The following PROCA1 variants were observed in gnomAD, a reference collection of about 807,000 sequenced individuals.
PROCA1 encodes the protein protein PROCA1.
PROCA1 carries 22 observed loss-of-function variants against 23.2 expected under a neutral mutation model. The ratio of observed to expected loss-of-function variants is 0.95; its 90% CI spans 0.68 to 1.35. The LOEUF is 1.35. Among genes scored for constraint, PROCA1 ranks in the 40% most tolerant of loss-of-function variants. PROCA1 has a pLI of 0.00. For missense variants in PROCA1, 469 were observed against 459.8 expected (o/e 1.02, Z -0.18); for synonymous variants, 182 against 179.2 (o/e 1.02, Z -0.12).
chr17:28,704,341 C>T lies in PROCA1; in HGVS notation c.406G>A (p.Glu136Lys). 1 of 1,614,120 alleles carries T rather than the reference C, an allele frequency of 6.2e-7. No homozygotes were observed. The highest frequency in any genetic ancestry group is 1.3e-5 in the African/African-American group (1 of 75,054). Residue 136 changes from glutamate to lysine, a missense_variant, in exon 4 of 5, where the codon GAG becomes AAG. By Grantham distance (56) the Glu-to-Lys change is moderately conservative. Transcript: ENST00000682792. ...IESPCFELTP[E>K]EEHVERFRYG... ...CGGAATCGCTCCACATGCTCCTCCT[C>T]CGGTGTGAGCTCAAAGCAAGGGGAC...
rs1012074001 is a variant in PROCA1, at chr17:28,706,711, C to T, written c.144G>A (p.Ala48=). The change falls in exon 2 of 5, where the codon GCG becomes GCA. Residue 48 remains alanine, a synonymous_variant. Coordinates refer to ENST00000682792, the MANE Select transcript of PROCA1 (RefSeq NM_001366301.1). ...AGAAGGTAGACACATCAGTGCTGGA[C>T]GCCACACCAGCCAGCAGATGTCCTC... ...WERGHLLAGV[A]SSTDVSTFSE... The T allele has an allele frequency of 4.7e-5, 61 of 1,303,744 alleles. No homozygotes were observed. Among genetic ancestry groups the T allele is most frequent in the East Asian group, 1.1e-4 (2 of 17,974 alleles). The allele number at this position is 1,303,744 out of a possible 1,614,324, so 80.8% of individuals were successfully genotyped here. A position where few individuals can be genotyped will look rare whatever the true frequency, so the allele number is the denominator to read the frequency against.
chr17:28,705,153 C>A (rs1023153034), intron 2 of PROCA1: 21 of 298,746 alleles, frequency 7.0e-5, no homozygotes, highest in Non-Finnish European at 1.3e-4. Flanking sequence ...CAGGTGCTGA[C>A]AATGAGTGGC....
chr17:28,711,413 G>A (rs2032776630), intron 1 of PROCA1, 157 bp downstream of exon 1: 1 of 515,264 alleles, frequency 1.9e-6, no homozygotes, highest in Non-Finnish European at 3.0e-6. Context: ...CCCTAGCTCC[G>A]CCCCGGCCCT....
chr17:28,710,800 A>C, intron 1 of PROCA1: 1 of 1,304,054 alleles, frequency 7.7e-7, no homozygotes, highest in Non-Finnish European at 1.0e-6. Context: ...GGGTGAAAGA[A>C]AGTGGGAGGC....
chr17:28,704,941 C>T, intron 2 of PROCA1, 98 bp from the exon 3 acceptor site: 2 of 1,145,290 alleles, frequency 1.7e-6, no homozygotes, highest in South Asian at 1.4e-5. Context: ...CTGCCACCAC[C>T]AGCTGTCCAC....
In PROCA1 at chr17:28,711,588, C is replaced by T; in HGVS notation, c.73G>A (p.Asp25Asn). The T allele has an allele frequency of 6.2e-7, 1 of 1,611,628 alleles. No homozygotes were observed. The highest frequency in any genetic ancestry group is 1.1e-5 in the South Asian group (1 of 90,988). The change falls in exon 1 of 5, where the codon GAT becomes AAT. Residue 25 changes from aspartate (D) to asparagine (N), a missense_variant. Physicochemically the swap from Asp to Asn is conservative, Grantham distance 23. Coordinates refer to ENST00000682792, the MANE Select transcript of PROCA1 (RefSeq NM_001366301.1). Reference protein sequence around the residue: ...EKTEPKARSWDESRCRDVNRL... With the variant: ...EKTEPKARSWNESRCRDVNRL... ...CTCTTACCGCGGCATCTGCTCTCAT[C>T]CCACGAGCGGGCCTTGGGCTCGGTC... is the stretch of plus-strand genomic sequence containing the variant.
At chr17:28,709,494 A>G (rs1000847800) in intron 1 of PROCA1, among the ~76,000 whole-genome samples, 10 of 151,658 alleles carry the variant, frequency 6.6e-5, no homozygotes, top group Non-Finnish European at 1.5e-4. Flanking sequence ...TGACCTCGTG[A>G]TCCGCCCGCC....
chr17:28,708,324 A>G (rs1250733238), intron 1 of PROCA1, among the ~76,000 whole-genome samples: 1 of 151,976 alleles, frequency 6.6e-6, no homozygotes, highest in East Asian at 1.9e-4. Flanking sequence ...CCTATTGACC[A>G]ATGAATCTCC....
chr17:28,710,340 TA>T (rs200402103), intron 1 of PROCA1, among the ~76,000 whole-genome samples: 25 of 148,564 alleles, frequency 1.7e-4, no homozygotes, highest in African/African-American at 4.2e-4. Flanking sequence ...CTACTAAAAA[TA>T]AAAAAAAATA....
chr17:28,711,405 C>G (rs1209656668), intron 1 of PROCA1, 165 bp downstream of exon 1: 1 of 507,994 alleles, frequency 2.0e-6, no homozygotes, highest in Non-Finnish European at 3.1e-6. Context: ...GCCCCCGGCC[C>G]TAGCTCCGCC....
intron 2 of PROCA1, chr17:28,705,883 G>C (rs1236858661): frequency 6.6e-6 from 1 of 152,404 alleles, no homozygotes; most frequent in Non-Finnish European, 1.5e-5. Flanking sequence ...CACTGGCTTG[G>C]GGTGCTGTGG....
At chr17:28,711,391 G>A in intron 1 of PROCA1, 179 bp downstream of exon 1, 2 of 590,172 alleles carry the variant, frequency 3.4e-6, no homozygotes, top group Non-Finnish European at 5.5e-6. Context: ...CTCGACGCGA[G>A]CCCGCCCCCG....
chr17:28,710,329 TCTA>T (rs2032719170), intron 1 of PROCA1, among the ~76,000 whole-genome samples: 2 of 151,198 alleles, frequency 1.3e-5, no homozygotes, highest in Non-Finnish European at 2.9e-5. Context: ...AAACCCCGTC[TCTA>T]CTAAAAATAA....
rs1418420049 is a variant in PROCA1 at position 28,711,597 on chromosome 17, G to A, written c.64C>T (p.Arg22Cys). Residue 22 changes from arginine to cysteine, a missense_variant, in exon 1 of 5, where the codon CGC becomes TGC. Coordinates refer to ENST00000682792, the MANE Select transcript of PROCA1 (RefSeq NM_001366301.1). ...CGGCATCTGCTCTCATCCCACGAGC[G>A]GGCCTTGGGCTCGGTCTTTTCCTTA... ...WTKEKTEPKARSWDESRCRDV... is the reference protein window; with the variant it reads ...WTKEKTEPKACSWDESRCRDV... The A allele has an allele frequency of 1.2e-6, 2 of 1,610,946 alleles. No homozygotes were observed. Among genetic ancestry groups the A allele is most frequent in the Non-Finnish European group, 8.5e-7 (1 of 1,179,124 alleles).
chr17:28,710,756 C>A, intron 1 of PROCA1: 1 of 1,299,114 alleles, frequency 7.7e-7, no homozygotes, highest in Admixed American at 2.3e-5. Flanking sequence ...GCAGGAGTGA[C>A]TGACAACACA....
chr17:28,710,818 G>A (rs1567719484), intron 1 of PROCA1: 1 of 1,304,070 alleles, frequency 7.7e-7, no homozygotes, highest in Non-Finnish European at 1.0e-6. Flanking sequence ...GGCTTATGGC[G>A]TCTTTCCCCG....
intron 2 of PROCA1, 171 bp from the exon 3 acceptor site, chr17:28,705,014 A>C (rs1040859098): frequency 6.3e-5 from 39 of 620,820 alleles, no homozygotes; most frequent in Admixed American, 3.0e-4. Flanking sequence ...ATGTCCCAGC[A>C]AAGTGTCTGG....
At chr17:28,706,037 G>C (rs901939975) in intron 2 of PROCA1, 1 of 152,794 alleles carries the variant, frequency 6.5e-6, no homozygotes, top group Admixed American at 6.5e-5. Flanking sequence ...CAGTGCAGCA[G>C]CTTGGCCTGA....
intron 4 of PROCA1, 38 bp from the exon 5 acceptor site, chr17:28,704,250 T>C (rs1410009014): frequency 1.3e-6 from 2 of 1,569,770 alleles, no homozygotes; most frequent in Non-Finnish European, 8.6e-7. Context: ...TGACAGAGAG[T>C]GGGGGGCAGT....
Sources: gnomAD v4.1 joint callset for allele counts (sites outside exome capture counted in the v4.1 genomes callset) on GRCh38, gnomAD v4.1.1 for gene constraint, MANE v1.5 for transcripts, NCBI Gene and HGNC (gene_info 2026-07-23, HGNC 2026-07-21) for gene names.